CSMD1: variants seen among roughly 807,000 people sequenced by gnomAD.
CSMD1 encodes CUB and sushi domain-containing protein 1.
In CSMD1, 213 loss-of-function variants were observed where a neutral mutation model predicts 417.5. That is an observed-to-expected ratio of 0.51 (90% CI 0.46 to 0.57). CSMD1 has a LOEUF of 0.57. Among genes scored for constraint, CSMD1 ranks in the 20% least tolerant of loss-of-function variants. The pLI is 0.00. For missense variants in CSMD1, 6,923 were observed against 4,529.7 expected (o/e 1.53, Z -15.17); for synonymous variants, 2,862 against 1,736.8 (o/e 1.65, Z -16.11).
At chr8:4,095,873 A>G (rs966855071) in intron 3 of CSMD1, among the ~76,000 whole-genome samples, 3 of 152,212 alleles carry the variant, frequency 2.0e-5, no homozygotes, top group Non-Finnish European at 2.9e-5. Flanking sequence ...AAGCTAAACT[A>G]TCAATGTTAA....
intron 3 of CSMD1, among the ~76,000 whole-genome samples, chr8:4,146,766 C>T (rs568442855): frequency 1.3e-5 from 2 of 149,656 alleles, no homozygotes; most frequent in Non-Finnish European, 2.9e-5. Context: ...CGCCCGGCAC[C>T]AGACTCGACT....
chr8:4,968,442 T>C (rs937932386), intron 1 of CSMD1, among the ~76,000 whole-genome samples: 22 of 152,020 alleles, frequency 1.4e-4, no homozygotes, highest in Admixed American at 1.2e-3. Flanking sequence ...ACTATTGAAA[T>C]AGAGCCATTT....
intron 1 of CSMD1, among the ~76,000 whole-genome samples, chr8:4,904,940 T>C (rs1011557518): frequency 7.2e-5 from 11 of 152,154 alleles, no homozygotes; most frequent in African/African-American, 2.7e-4. Context: ...CAGGGCCTCT[T>C]TGGGACAAGG....
At chr8:3,741,862 C>A (rs769812402) in intron 6 of CSMD1, among the ~76,000 whole-genome samples, 9 of 152,138 alleles carry the variant, frequency 5.9e-5, no homozygotes, top group Non-Finnish European at 8.8e-5. Flanking sequence ...CTCTTGTGGA[C>A]CAAAGGTAAA....
chr8:4,619,373 T>C (rs560640221), intron 2 of CSMD1, among the ~76,000 whole-genome samples: 3 of 152,288 alleles, frequency 2.0e-5, no homozygotes, highest in Non-Finnish European at 4.4e-5. Flanking sequence ...AAGACTGATG[T>C]CCAGTTTTGA....
intron 5 of CSMD1, among the ~76,000 whole-genome samples, chr8:3,765,944 G>C (rs569914161): frequency 1.2e-3 from 179 of 152,334 alleles, no homozygotes; most frequent in Middle Eastern, 3.4e-3. Flanking sequence ...AAAATGGCCT[G>C]GATGCCAGCA....
intron 10 of CSMD1, among the ~76,000 whole-genome samples, chr8:3,552,421 T>G (rs1481846775): frequency 6.6e-6 from 1 of 152,216 alleles, no homozygotes; most frequent in Non-Finnish European, 1.5e-5. Flanking sequence ...CATAACAATT[T>G]GTGTATTTTT....
chr8:3,910,064 A>G (rs1808361909), intron 5 of CSMD1, among the ~76,000 whole-genome samples: 1 of 152,322 alleles, frequency 6.6e-6, no homozygotes, highest in African/African-American at 2.4e-5. Flanking sequence ...CACTAGAGCA[A>G]AGACCAGCTG....
At chr8:4,178,007 A>T (rs1360466057) in intron 3 of CSMD1, among the ~76,000 whole-genome samples, 1 of 152,196 alleles carries the variant, frequency 6.6e-6, no homozygotes, top group Non-Finnish European at 1.5e-5. Context: ...AGTTACAAGG[A>T]GGAACTAGTA....
chr8:3,960,139 TACAG>T (rs1425308773), intron 5 of CSMD1, among the ~76,000 whole-genome samples: 1 of 152,204 alleles, frequency 6.6e-6, no homozygotes, highest in Non-Finnish European at 1.5e-5. Context: ...GATAGAAACT[TACAG>T]ACATTTTTTA....
chr8:4,854,711 T>TA (rs1452336880), intron 1 of CSMD1, among the ~76,000 whole-genome samples: 1 of 152,082 alleles, frequency 6.6e-6, no homozygotes, highest in Non-Finnish European at 1.5e-5. Flanking sequence ...CCGACGGGCT[T>TA]AAAAAACGGT....
chr8:4,580,891 C>G (rs1397970387), intron 2 of CSMD1, among the ~76,000 whole-genome samples: 6 of 152,092 alleles, frequency 3.9e-5, no homozygotes, highest in African/African-American at 1.4e-4. Flanking sequence ...GCATTTTTCC[C>G]TGCTATTGTG....
intron 3 of CSMD1, among the ~76,000 whole-genome samples, chr8:4,184,626 G>A (rs908413956): frequency 6.6e-6 from 1 of 151,996 alleles, no homozygotes. Context: ...AAAATCAAAT[G>A]TTCTCATTTA....
chr8:3,703,771 T>A (rs973147411), intron 7 of CSMD1, among the ~76,000 whole-genome samples: 13 of 152,130 alleles, frequency 8.5e-5, no homozygotes, highest in Non-Finnish European at 1.6e-4. Flanking sequence ...ATTACATACC[T>A]GTATAAACTT....
At chr8:4,461,137 A>G (rs1350591377) in intron 2 of CSMD1, among the ~76,000 whole-genome samples, 1 of 139,876 alleles carries the variant, frequency 7.1e-6, no homozygotes, top group Admixed American at 7.5e-5. Context: ...CCATAACAAT[A>G]AAATAAAGTC....
chr8:4,134,449 A>G (rs367886337), intron 3 of CSMD1, among the ~76,000 whole-genome samples: 2 of 152,308 alleles, frequency 1.3e-5, no homozygotes, highest in African/African-American at 4.8e-5. Flanking sequence ...CAAGCCAAAG[A>G]GAAAGACCTG....
chr8:3,324,383 G>A (rs1285187071), intron 23 of CSMD1, among the ~76,000 whole-genome samples: 6 of 148,866 alleles, frequency 4.0e-5, no homozygotes, highest in Admixed American at 1.3e-4. Context: ...AGGAAGGGGC[G>A]TTTCCTTCCC....
intron 3 of CSMD1, among the ~76,000 whole-genome samples, chr8:4,252,912 G>C (rs1385418511): frequency 6.6e-6 from 1 of 152,200 alleles, no homozygotes; most frequent in Non-Finnish European, 1.5e-5. Context: ...ACCAACTTAA[G>C]TGGCTGGACC....
At chr8:4,255,635 A>G (rs1803402340) in intron 3 of CSMD1, among the ~76,000 whole-genome samples, 1 of 152,220 alleles carries the variant, frequency 6.6e-6, no homozygotes, top group Non-Finnish European at 1.5e-5. Flanking sequence ...ACAACCTCGC[A>G]CTGCATCATT....
Sources: allele counts gnomAD v4.1 joint callset (sites outside exome capture counted in the v4.1 genomes callset), GRCh38; gene constraint gnomAD v4.1.1; transcripts MANE v1.5; gene names NCBI Gene and HGNC (gene_info 2026-07-23, HGNC 2026-07-21).